Variants in PCSK2 observed in about 807,000 individuals in gnomAD.
The protein encoded by PCSK2 is proprotein convertase subtilisin/kexin type 2, also known as neuroendocrine convertase 2.
A neutral mutation model predicts 69.7 loss-of-function variants in PCSK2; 14 were observed. That is an observed-to-expected ratio of 0.20 (90% CI 0.13 to 0.31). PCSK2 has a LOEUF of 0.31. Ranked by LOEUF, PCSK2 falls within the 10% of genes least tolerant of loss-of-function variation. The probability of loss-of-function intolerance (pLI) is 1.00; values close to 1 mark genes in which losing one functional copy is unlikely to be tolerated. For missense variants in PCSK2, 544 were observed against 842.5 expected, an observed-to-expected ratio of 0.65 and a Z score of 4.39; for synonymous variants, 307 against 320.7, an observed-to-expected ratio of 0.96 and a Z score of 0.46.
intron 2 of PCSK2, among the ~76,000 whole-genome samples, chr20:17,268,058 T>TATATATATATAA (rs1338201564): frequency 7.1e-6 from 1 of 141,352 alleles, no homozygotes; most frequent in Non-Finnish European, 1.5e-5. Context: ...TATATATATA[T>TATATATATATAA]ATATAATGCA....
Position 17,481,658 on chromosome 20 carries a change from G to T in PCSK2, c.1505G>T (p.Arg502Leu), listed in dbSNP as rs2033404519. Residue 502 changes from arginine (R) to leucine (L), a missense_variant, in exon 12 of 12, where the codon CGC becomes CTC. Transcript: ENST00000262545. ...DACEGKENFVRYLEHVQAVIT... is the reference protein window; with the variant it reads ...DACEGKENFVLYLEHVQAVIT... ...TGTGAGGGGAAGGAAAATTTTGTCC[G>T]CTACCTGGAGCATGTCCAGGCTGTC... 1 of 1,613,982 alleles carries T rather than the reference G, an allele frequency of 6.2e-7. No individual in the cohort carries two copies.
At chr20:17,309,676 G>A (rs554425775) in intron 2 of PCSK2, among the ~76,000 whole-genome samples, 2 of 152,128 alleles carry the variant, frequency 1.3e-5, no homozygotes, top group African/African-American at 4.8e-5. Context: ...AAATTAGCCA[G>A]GCCTGGTGGC....
intron 5 of PCSK2, among the ~76,000 whole-genome samples, chr20:17,397,763 C>A (rs940758009): frequency 1.3e-5 from 2 of 152,134 alleles, no homozygotes; most frequent in South Asian, 2.1e-4. Context: ...AAGTGTGAGC[C>A]GCCGCCCCCG....
intron 1 of PCSK2, among the ~76,000 whole-genome samples, chr20:17,254,678 A>G (rs1987112964): frequency 6.6e-6 from 1 of 152,192 alleles, no homozygotes. Context: ...TATTTTGGCT[A>G]TTCTTGGTCT....
At chr20:17,318,471 T>C (rs1373130190) in intron 2 of PCSK2, among the ~76,000 whole-genome samples, 1 of 152,214 alleles carries the variant, frequency 6.6e-6, no homozygotes, top group Non-Finnish European at 1.5e-5. Flanking sequence ...AAAAACAACA[T>C]TACCAGCCCC....
At chr20:17,315,190 A>G (rs182893444) in intron 2 of PCSK2, among the ~76,000 whole-genome samples, 1 of 151,926 alleles carries the variant, frequency 6.6e-6, no homozygotes, top group Admixed American at 6.6e-5. Flanking sequence ...CCCAGCACAA[A>G]TTTATCATAA....
At chr20:17,398,523 C>CAAAAAAAAAAAAAAAAAAAAAAAAAAAAA in intron 5 of PCSK2, among the ~76,000 whole-genome samples, 1 of 85,236 alleles carries the variant, frequency 1.2e-5, no homozygotes, top group African/African-American at 4.7e-5. Flanking sequence ...GATCCTGTCT[C>CAAAAAAAAAAAAAAAAAAAAAAAAAAAAA]AAAAAAAAAA....
rs529594477 is a variant in PCSK2 at position 17,361,186 on chromosome 20, C to T, written c.505+546C>T. ...AGATAGTTACATTAGCGTGACTCTA[C>T]ATCCATAAAACAGCTTTTCAGTAAC... On this transcript the variant is annotated intron_variant, in intron 4 of 11. Transcript: ENST00000262545. Among the ~76,000 whole-genome samples the T allele has an allele frequency of 3.8e-4, 58 of 152,334 alleles. No individual in the cohort carries two copies. The South Asian group carries it at 4.8e-3, about 13-fold the overall frequency.
At chr20:17,441,323 T>A (rs2021787) in intron 8 of PCSK2, among the ~76,000 whole-genome samples, 100,722 of 151,826 alleles carry the variant, frequency 0.66, 33,747 homozygotes, top group African/African-American at 0.75. Context: ...GCCAGTCAGA[T>A]GGTTTCTAAT....
rs550472335 is a variant in PCSK2 at position 17,451,715 on chromosome 20, G to C, written c.886-2027G>C. Among the ~76,000 whole-genome samples the C allele has an allele frequency of 2.0e-5, 3 of 152,218 alleles. No individual in the cohort carries two copies. In the South Asian group the frequency reaches 6.2e-4, roughly 32 times the overall value. The stretch of plus-strand genomic sequence containing the variant: ...ATAGTGCACAGGGCATAAATACAGG[G>C]AATCATGAATAATTAGGGTCACAAT... On this transcript the variant is annotated intron_variant, in intron 8 of 11. Coordinates refer to ENST00000262545, the MANE Select transcript of PCSK2 (RefSeq NM_002594.5).
chr20:17,276,230 C>A (rs148958005), intron 2 of PCSK2, among the ~76,000 whole-genome samples: 16 of 152,198 alleles, frequency 1.1e-4, no homozygotes, highest in African/African-American at 3.9e-4. Context: ...TTTTAAAAAT[C>A]AAATGCAAGC....
chr20:17,409,389 T>C (rs1366730041), intron 6 of PCSK2, 50 bp downstream of exon 6: 7 of 1,281,784 alleles, frequency 5.5e-6, no homozygotes, highest in Middle Eastern at 1.8e-4. Context: ...TGGGGTTTTA[T>C]TCTACTTTGT....
chr20:17,474,803 C>T (rs931535800), intron 11 of PCSK2, among the ~76,000 whole-genome samples: 2 of 145,228 alleles, frequency 1.4e-5, no homozygotes, highest in African/African-American at 5.1e-5. Flanking sequence ...TTTACAATAA[C>T]TTCTTAAGGG....
At chr20:17,445,042 C>T (rs1284974222) in intron 8 of PCSK2, among the ~76,000 whole-genome samples, 1 of 152,214 alleles carries the variant, frequency 6.6e-6, no homozygotes, top group East Asian at 1.9e-4. Flanking sequence ...TCACACACAA[C>T]TCCCAAAGTG....
At chr20:17,327,770 G>T (rs1990106783) in intron 2 of PCSK2, among the ~76,000 whole-genome samples, 1 of 152,112 alleles carries the variant, frequency 6.6e-6, no homozygotes, top group Non-Finnish European at 1.5e-5. Context: ...CCATTTTTTG[G>T]TAAATCACTT....
chr20:17,339,557 T>C (rs1990450812), intron 2 of PCSK2, among the ~76,000 whole-genome samples: 2 of 152,188 alleles, frequency 1.3e-5, no homozygotes, highest in Admixed American at 6.5e-5. Flanking sequence ...TCTCTATCAC[T>C]GCAATTTAAA....
chr20:17,319,129 T>G (rs1469488904), intron 2 of PCSK2, among the ~76,000 whole-genome samples: 2 of 152,262 alleles, frequency 1.3e-5, no homozygotes, highest in African/African-American at 2.4e-5. Context: ...AAATGACTTT[T>G]TTTTTATACC....
chr20:17,444,926 G>C (rs2032669032), intron 8 of PCSK2, among the ~76,000 whole-genome samples: 1 of 152,214 alleles, frequency 6.6e-6, no homozygotes, highest in Non-Finnish European at 1.5e-5. Context: ...GATGCACAGA[G>C]CAGCCTTTCA....
At chr20:17,396,619 T>A (rs772770373) in intron 5 of PCSK2, among the ~76,000 whole-genome samples, 4 of 100,866 alleles carry the variant, frequency 4.0e-5, no homozygotes, top group Admixed American at 1.0e-4. Flanking sequence ...AGTCAACTTA[T>A]TTTTTTTTTT....
Sources: allele counts gnomAD v4.1 joint callset (sites outside exome capture counted in the v4.1 genomes callset), GRCh38; gene constraint gnomAD v4.1.1; transcripts MANE v1.5; gene names NCBI Gene and HGNC (gene_info 2026-07-23, HGNC 2026-07-21).